The following HEATR4 variants were observed in gnomAD, a reference collection of about 807,000 sequenced individuals.
HEATR4 encodes the protein HEAT repeat-containing protein 4.
A neutral mutation model predicts 108.8 loss-of-function variants in HEATR4; 95 were observed. The observed-to-expected ratio is 0.87, with a 90% confidence interval of 0.74 to 1.04. The LOEUF is 1.04. Ranked by LOEUF, HEATR4 falls within the 50% of genes least tolerant of loss-of-function variation. HEATR4 has a pLI of 0.00. For synonymous variants in HEATR4, 443 were observed against 459.4 expected (o/e 0.96, Z 0.46); for missense variants, 1,152 against 1,253.8 (o/e 0.92, Z 1.23).
chr14:73,619,452 G>A, the HEATR4 span: 1 of 1,614,154 alleles, frequency 6.2e-7, no homozygotes, highest in Non-Finnish European at 8.5e-7. Flanking sequence ...TCACTTTTAT[G>A]GACACTTGGA....
At chr14:73,581,301 G>T in the HEATR4 span, 2 of 152,038 alleles carry the variant, frequency 1.3e-5, no homozygotes, top group South Asian at 2.1e-4. Flanking sequence ...TCTGGTGAGG[G>T]CCTGTTCCTC....
chr14:73,579,573 CAAAAAAAA>C, the HEATR4 span, among the ~76,000 whole-genome samples: 11 of 56,210 alleles, frequency 2.0e-4, no homozygotes, highest in East Asian at 1.7e-3. Flanking sequence ...AAAGCCGTCT[CAAAAAAAA>C]AAAAAAAAAA....
At chr14:73,570,110 C>CT in the HEATR4 span, among the ~76,000 whole-genome samples, 41,839 of 140,274 alleles carry the variant, frequency 0.3, 6,825 homozygotes, top group East Asian at 0.63. Context: ...GGGAGTTACA[C>CT]TTTTTTTTTT....
rs1478682225 is a variant in HEATR4, at chr14:73,557,025, C to T, written c.-152+1726G>A. On this transcript the variant is annotated intron_variant, in intron 1 of 17. Coordinates refer to ENST00000553558, the MANE Select transcript of HEATR4 (RefSeq NM_001220484.1). ...CAGCATTATGAGGCAGCACCCCACT[C>T]CCAACAAATAGCCCTCTAGAACCAA... Among the ~76,000 whole-genome samples, 15 of 113,904 alleles carry T rather than the reference C, an allele frequency of 1.3e-4. 4 individuals carry two copies. Among genetic ancestry groups the T allele is most frequent in the South Asian group, 2.8e-4 (1 of 3,576 alleles). The allele number at this position is 113,904 out of a possible 152,430, so 74.7% of individuals were successfully genotyped here. A position where few individuals can be genotyped will look rare whatever the true frequency, so the allele number is the denominator to read the frequency against.
chr14:73,628,580 T>G, the HEATR4 span, among the ~76,000 whole-genome samples: 4 of 151,834 alleles, frequency 2.6e-5, no homozygotes, highest in Non-Finnish European at 4.4e-5. Context: ...ATGGAGAAAC[T>G]CTGTCTCTAC....
At chr14:73,509,275 C>G in intron 8 of HEATR4, 37 bp downstream of exon 8, 1 of 1,597,624 alleles carries the variant, frequency 6.3e-7, no homozygotes, top group Non-Finnish European at 8.6e-7. Flanking sequence ...ATGTCTATCC[C>G]ATATTTCCAG....
chr14:73,623,871 T>C, the HEATR4 span, among the ~76,000 whole-genome samples: 1 of 152,030 alleles, frequency 6.6e-6, no homozygotes, highest in African/African-American at 2.4e-5. Flanking sequence ...TCTCTCGCCA[T>C]GTGATCTGCA....
the HEATR4 span, among the ~76,000 whole-genome samples, chr14:73,585,217 T>A: frequency 2.0e-5 from 3 of 152,174 alleles, no homozygotes; most frequent in Non-Finnish European, 4.4e-5. Flanking sequence ...CTCGCTCATC[T>A]GCCATAGCCC....
At chr14:73,581,443 ATG>A in the HEATR4 span, 703 of 150,912 alleles carry the variant, frequency 4.7e-3, 8 homozygotes, top group African/African-American at 0.016. Flanking sequence ...ATGCCTCGTG[ATG>A]TGTGTGTGTG....
chr14:73,615,758 AACAAACAAACAG>A, the HEATR4 span, among the ~76,000 whole-genome samples: 619 of 101,732 alleles, frequency 6.1e-3, 1 homozygote, highest in Non-Finnish European at 9.5e-3. Context: ...CAAACAAACA[AACAAACAAACAG>A]GCTGAGTGCA....
the HEATR4 span, chr14:73,592,345 T>G: frequency 6.3e-7 from 1 of 1,597,760 alleles, no homozygotes; most frequent in Non-Finnish European, 8.5e-7. Context: ...GAGCGCCACT[T>G]CCTCCCGCCA....
chr14:73,493,342 A>G, intron 16 of HEATR4: 1 of 505,036 alleles, frequency 2.0e-6, no homozygotes, highest in Admixed American at 3.8e-5. Context: ...CCTGTTTGTT[A>G]TTGTTAAATT....
intron 9 of HEATR4, among the ~76,000 whole-genome samples, chr14:73,507,890 T>C (rs1234539753): frequency 6.6e-6 from 1 of 152,170 alleles, no homozygotes; most frequent in Non-Finnish European, 1.5e-5. Flanking sequence ...CTACTCAGTG[T>C]GGTACCACTG....
At chr14:73,580,589 G>C in the HEATR4 span, 2 of 151,460 alleles carry the variant, frequency 1.3e-5, no homozygotes, top group African/African-American at 2.4e-5. Context: ...GGAACTAGGA[G>C]TTGTCGGGTG....
chr14:73,511,343 T>C (rs1887236455), intron 7 of HEATR4, among the ~76,000 whole-genome samples: 1 of 151,310 alleles, frequency 6.6e-6, no homozygotes, highest in Non-Finnish European at 1.5e-5. Context: ...TGAAACCCCA[T>C]CTCTACTAAA....
At chr14:73,614,380 C>CT in the HEATR4 span, among the ~76,000 whole-genome samples, 1 of 152,128 alleles carries the variant, frequency 6.6e-6, no homozygotes, top group African/African-American at 2.4e-5. Context: ...GGAATTGGGT[C>CT]TTACAGATTT....
At chr14:73,587,074 T>C in the HEATR4 span, among the ~76,000 whole-genome samples, 3 of 152,000 alleles carry the variant, frequency 2.0e-5, no homozygotes, top group Non-Finnish European at 4.4e-5. Flanking sequence ...CCACAAAATA[T>C]TGAGTTTACT....
At chr14:73,502,795 C>A in intron 11 of HEATR4, 100 bp downstream of exon 11, 1 of 818,852 alleles carries the variant, frequency 1.2e-6, no homozygotes, top group Non-Finnish European at 2.1e-6. Flanking sequence ...GATCCGCCCA[C>A]CCCGTCTTCC....
rs1274605826 is a variant in HEATR4 at position 73,538,917 on chromosome 14, G to A, written c.-151-8673C>T. Among the ~76,000 whole-genome samples, 4 of 113,760 alleles carry A rather than the reference G, an allele frequency of 3.5e-5. 1 individual carries two copies. The highest frequency in any genetic ancestry group is 7.6e-5 in the Non-Finnish European group (4 of 52,350). The allele number at this position is 113,760 out of a possible 152,430, so 74.6% of individuals were successfully genotyped here. On this transcript the variant is annotated intron_variant, in intron 1 of 17. Transcript: ENST00000553558. ...CTGGAGGCAGAGGTTGCAGTGAGCC[G>A]AGATCACGCCATTGTACTCCAGCCT...
Sources: allele counts gnomAD v4.1 joint callset (sites outside exome capture counted in the v4.1 genomes callset), GRCh38; gene constraint gnomAD v4.1.1; transcripts MANE v1.5; gene names NCBI Gene and HGNC (gene_info 2026-07-23, HGNC 2026-07-21).